WDR62: variants seen among roughly 807,000 people sequenced by gnomAD.
WDR62 encodes the protein WD repeat-containing protein 62.
In WDR62, 112 loss-of-function variants were observed where a neutral mutation model predicts 160.6. That is an observed-to-expected ratio of 0.70 (90% CI 0.60 to 0.82). The LOEUF (loss-of-function observed/expected upper bound fraction) is 0.82. Among genes scored for constraint, WDR62 ranks in the 40% least tolerant of loss-of-function variants. The probability of loss-of-function intolerance (pLI) is 0.00; values close to 1 mark genes in which losing one functional copy is unlikely to be tolerated. For synonymous variants in WDR62, 792 were observed against 815.1 expected, an observed-to-expected ratio of 0.97 and a Z score of 0.48; for missense variants, 1,819 against 1,983.8, an observed-to-expected ratio of 0.92 and a Z score of 1.58.
At chr19:36,096,091 A>T (rs1013389911) in intron 20 of WDR62, among the ~76,000 whole-genome samples, 2 of 152,168 alleles carry the variant, frequency 1.3e-5, no homozygotes, top group Admixed American at 6.6e-5. Context: ...ATTTTACTTT[A>T]AAAAAGTTGT....
In WDR62 at chr19:36,058,763, G is replaced by A. The variant is rs1970492776; in HGVS notation, c.178-17G>A. 6.2e-7 allele frequency: 1 copy of A among 1,611,966 alleles called. No homozygotes were observed. The highest frequency in any genetic ancestry group is 8.5e-7 in the Non-Finnish European group (1 of 1,178,306). ...TGGCTAGGGTGGGTGCCTCTGACTT[G>A]GGCTTTTTCTTTGCAGGTGTCACTC... On this transcript the variant is annotated splice_polypyrimidine_tract_variant and intron_variant, in intron 1 of 31. Coordinates refer to ENST00000401500, the MANE Select transcript of WDR62 (RefSeq NM_001083961.2).
At position 36,083,095 on chromosome 19, in the gene WDR62, C is replaced by T. The variant is rs373201498; in HGVS notation, c.1404C>T (p.Asp468=). The change falls in exon 11 of 32, where the codon GAC becomes GAT. Residue 468 remains aspartate, a synonymous_variant. Transcript: ENST00000401500. ...TGAAGGTCGTGTACGTGGAGAATGA[C>T]ATCCAGCACCTGCAGGACATGTCAC... ...TLLKVVYVEN[D]IQHLQDMSHF... The T allele has an allele frequency of 6.2e-7, 1 of 1,613,402 alleles. No homozygotes were observed. The highest frequency in any genetic ancestry group is 8.5e-7 in the Non-Finnish European group (1 of 1,179,752).
intron 1 of WDR62, 58 bp from the exon 2 acceptor site, chr19:36,058,722 C>T (rs1970490143): frequency 6.9e-7 from 1 of 1,457,992 alleles, no homozygotes; most frequent in Non-Finnish European, 9.6e-7. Context: ...GCCAAGGCGG[C>T]TGCACCATGT....
chr19:36,087,408 G>A (rs948179748), intron 13 of WDR62, among the ~76,000 whole-genome samples: 4 of 151,892 alleles, frequency 2.6e-5, no homozygotes, highest in African/African-American at 9.7e-5. Flanking sequence ...TCGGGAGGCT[G>A]AGGCAGGAGA....
At chr19:36,073,314 TG>T in intron 8 of WDR62, 27 bp from the exon 9 acceptor site, 2 of 1,612,570 alleles carry the variant, frequency 1.2e-6, no homozygotes, top group Non-Finnish European at 1.7e-6. Flanking sequence ...ACATTGATGG[TG>T]ATTGATTACC....
rs184755475 is a variant in WDR62, at chr19:36,055,506, C to A, written c.177+358C>A. 1.3e-4 allele frequency among the ~76,000 whole-genome samples: 20 copies of A among 152,336 alleles called. No homozygotes were observed. The East Asian group carries it at 3.9e-3, about 29-fold the overall frequency. ...CACTGCAGCCTCACTGCCCTGGCCC[C>A]CGCTGAGTCATTAAGGTCCCTTCGA... On this transcript the variant is annotated intron_variant, in intron 1 of 31. Coordinates refer to ENST00000401500, the MANE Select transcript of WDR62 (RefSeq NM_001083961.2).
chr19:36,085,754 A>G (rs567619546), intron 12 of WDR62, among the ~76,000 whole-genome samples: 17 of 152,258 alleles, frequency 1.1e-4, no homozygotes, highest in African/African-American at 4.1e-4. Flanking sequence ...ATCATGAGAT[A>G]GGAGAAGATT....
chr19:36,054,982 T>C lies in WDR62; in HGVS notation c.11T>C (p.Val4Ala), dbSNP rs1304578626. MAA[V>A]GSGGYARNDA... ...GCCTCCGGCGTGACGATGGCGGCCG[T>C]AGGGTCCGGAGGCTATGCGCGGAAC... Residue 4 changes from valine to alanine, a missense_variant, in exon 1 of 32, where the codon GTA (valine) becomes GCA (alanine). Coordinates refer to ENST00000401500, the MANE Select transcript of WDR62 (RefSeq NM_001083961.2). The C allele has an allele frequency of 6.2e-7, 1 of 1,602,632 alleles. No homozygotes were observed. Among genetic ancestry groups the C allele is most frequent in the African/African-American group, 1.3e-5 (1 of 74,842 alleles).
At position 36,055,076 on chromosome 19, in the gene WDR62, C is replaced by T; in HGVS notation, c.105C>T (p.Pro35=). The change falls in exon 1 of 32, where the codon CCC becomes CCT. Residue 35 remains proline (P), a synonymous_variant. Coordinates refer to ENST00000401500, the MANE Select transcript of WDR62 (RefSeq NM_001083961.2). ...CGCGGAGGGGCCAGTCCTCCCCGCC[C>T]CCCGCCCCACCAATCTGCCTACGGC... ...VPARRGQSSP[P]PAPPICLRRR... 1 of 1,599,270 alleles carries T rather than the reference C, an allele frequency of 6.3e-7. No homozygotes were observed. Among genetic ancestry groups the T allele is most frequent in the South Asian group, 1.1e-5 (1 of 89,312 alleles).
intron 20 of WDR62, 26 bp from the exon 21 acceptor site, chr19:36,097,001 T>G: frequency 6.2e-7 from 1 of 1,602,908 alleles, no homozygotes; most frequent in Non-Finnish European, 8.5e-7. Flanking sequence ...GTTTGTCCTC[T>G]TTTCATGGAT....
At chr19:36,081,657 G>A in intron 10 of WDR62, 87 bp downstream of exon 10, 4 of 1,587,812 alleles carry the variant, frequency 2.5e-6, no homozygotes, top group Non-Finnish European at 3.5e-6. Context: ...GAGTCTGATG[G>A]ACCCTAGATG....
intron 22 of WDR62, 52 bp from the exon 23 acceptor site, chr19:36,100,696 T>G: frequency 6.2e-7 from 1 of 1,610,892 alleles, no homozygotes; most frequent in Non-Finnish European, 8.5e-7. Flanking sequence ...GGCGCACTGT[T>G]GGTGGCCCCA....
At chr19:36,056,108 G>A (rs1218921437) in intron 1 of WDR62, among the ~76,000 whole-genome samples, 1 of 152,232 alleles carries the variant, frequency 6.6e-6, no homozygotes, top group Non-Finnish European at 1.5e-5. Context: ...GGAGGTTGCA[G>A]TGAGCTGAGG....
At chr19:36,098,225 G>T (rs1973091946) in intron 21 of WDR62, among the ~76,000 whole-genome samples, 1 of 151,396 alleles carries the variant, frequency 6.6e-6, no homozygotes. Context: ...TCGTGCTACT[G>T]CACTCCAGCT....
intron 11 of WDR62, 50 bp from the exon 12 acceptor site, chr19:36,084,603 G>C (rs771530677): frequency 6.4e-7 from 1 of 1,574,222 alleles, no homozygotes; most frequent in Non-Finnish European, 8.7e-7. Context: ...AAGTGGTAGA[G>C]CACATGGGGC....
chr19:36,082,945 C>A, intron 10 of WDR62, 118 bp from the exon 11 acceptor site: 1 of 860,442 alleles, frequency 1.2e-6, no homozygotes, highest in Non-Finnish European at 1.9e-6. Context: ...ATTGGTGAAA[C>A]TCCCAGCTCA....
At chr19:36,057,284 T>C (rs754636137) in intron 1 of WDR62, among the ~76,000 whole-genome samples, 1 of 152,196 alleles carries the variant, frequency 6.6e-6, no homozygotes, top group African/African-American at 2.4e-5. Context: ...AATACTGATA[T>C]TATGACTGTG....
In WDR62 at chr19:36,104,549, C is replaced by T. The variant is rs754850000; in HGVS notation, c.4185C>T (p.Ala1395=). Residue 1395 remains alanine, a synonymous_variant, in exon 31 of 32, where the codon GCC becomes GCT. Coordinates refer to ENST00000401500, the MANE Select transcript of WDR62 (RefSeq NM_001083961.2). ...TTGGTCTGTTACAGGGCAGCCCTGC[C>T]CGCTGGAGTGAGCCCTGGGTGCCGG... ...GALGLLQGSP[A]RWSEPWVPVE... is the part of the protein sequence containing the mutation. The T allele has an allele frequency of 3.1e-6, 5 of 1,613,518 alleles. No homozygotes were observed. The highest frequency in any genetic ancestry group is 4.2e-6 in the Non-Finnish European group (5 of 1,179,794).
At chr19:36,077,877 T>G (rs1397538082) in intron 9 of WDR62, among the ~76,000 whole-genome samples, 4 of 152,090 alleles carry the variant, frequency 2.6e-5, no homozygotes, top group African/African-American at 9.7e-5. Context: ...ATTACAGGCG[T>G]GAGCCACCAT....
Sources: gnomAD v4.1 joint callset for allele counts (sites outside exome capture counted in the v4.1 genomes callset) on GRCh38, gnomAD v4.1.1 for gene constraint, MANE v1.5 for transcripts, NCBI Gene and HGNC (gene_info 2026-07-23, HGNC 2026-07-21) for gene names.